Variants in MACROD2 observed in about 807,000 individuals in gnomAD.
The protein encoded by MACROD2 is mono-ADP ribosylhydrolase 2.
Under a neutral mutation model 70.4 loss-of-function variants are expected in MACROD2, and 36 were observed. The ratio of observed to expected loss-of-function variants is 0.51; its 90% confidence interval spans 0.39 to 0.68. The LOEUF is 0.68. Among genes scored for constraint, MACROD2 ranks in the 30% least tolerant of loss-of-function variants. MACROD2 has a pLI of 0.00. For missense variants in MACROD2, 496 were observed against 538.4 expected (o/e 0.92, Z 0.78); for synonymous variants, 172 against 178.8 (o/e 0.96, Z 0.30).
intron 5 of MACROD2, among the ~76,000 whole-genome samples, chr20:15,144,731 A>T (rs1430328380): frequency 1.3e-5 from 2 of 152,190 alleles, no homozygotes. Flanking sequence ...TGTTATGTCC[A>T]GCGGGGAAAC....
intron 3 of MACROD2, among the ~76,000 whole-genome samples, chr20:14,396,343 A>G (rs568786300): frequency 3.9e-5 from 6 of 152,212 alleles, no homozygotes; most frequent in Admixed American, 3.9e-4. Context: ...GGATTTGTGT[A>G]TTTATTCTTG....
At chr20:14,352,580 C>G (rs1370718492) in intron 3 of MACROD2, among the ~76,000 whole-genome samples, 1 of 152,056 alleles carries the variant, frequency 6.6e-6, no homozygotes, top group Admixed American at 6.6e-5. Flanking sequence ...GATATATGCA[C>G]CCTTCTAACC....
intron 5 of MACROD2, among the ~76,000 whole-genome samples, chr20:15,077,987 A>C (rs1034088027): frequency 6.6e-5 from 10 of 152,100 alleles, no homozygotes; most frequent in African/African-American, 1.9e-4. Context: ...GGAAAGGGCC[A>C]CTGGAAAAGG....
At chr20:15,813,582 A>C (rs2063842227) in intron 8 of MACROD2, among the ~76,000 whole-genome samples, 1 of 152,170 alleles carries the variant, frequency 6.6e-6, no homozygotes, top group Non-Finnish European at 1.5e-5. Context: ...GTTCAAGACC[A>C]GCATGGGAAA....
intron 5 of MACROD2, among the ~76,000 whole-genome samples, chr20:15,115,925 C>T (rs2123233781): frequency 6.6e-6 from 1 of 152,158 alleles, no homozygotes; most frequent in East Asian, 1.9e-4. Flanking sequence ...TGTGTAAAGA[C>T]TTCTATTTCC....
chr20:15,578,967 G>A (rs6043375), intron 8 of MACROD2, among the ~76,000 whole-genome samples: 10,403 of 152,162 alleles, frequency 0.068, 1,200 homozygotes, highest in African/African-American at 0.24. Context: ...AATTTGAACC[G>A]TTTTTTAAAA....
intron 5 of MACROD2, among the ~76,000 whole-genome samples, chr20:15,145,351 A>T (rs1484675693): frequency 6.6e-6 from 1 of 152,144 alleles, no homozygotes; most frequent in African/African-American, 2.4e-5. Context: ...GAGTAGAGAA[A>T]AAATGAATTA....
chr20:15,003,242 CA>C (rs1446493268), intron 5 of MACROD2, among the ~76,000 whole-genome samples: 5 of 152,116 alleles, frequency 3.3e-5, no homozygotes, highest in African/African-American at 1.2e-4. Flanking sequence ...CCAATGTAGT[CA>C]GGGGAAATAA....
chr20:14,903,327 C>G (rs1423092744), intron 5 of MACROD2, among the ~76,000 whole-genome samples: 1 of 152,052 alleles, frequency 6.6e-6, no homozygotes, highest in African/African-American at 2.4e-5. Context: ...AGGCGTGAGC[C>G]ACTGCACCCG....
At chr20:15,367,563 C>CTCT (rs2045428919) in intron 6 of MACROD2, among the ~76,000 whole-genome samples, 1 of 152,134 alleles carries the variant, frequency 6.6e-6, no homozygotes, top group Admixed American at 6.5e-5. Context: ...CTGATGTACT[C>CTCT]TTCAAAGATT....
rs2066492844 is a variant in MACROD2 at position 15,986,945 on chromosome 20, G to A, written c.1061-121G>A. The A allele has an allele frequency of 3.8e-6, 4 of 1,054,282 alleles. No homozygotes were observed. The South Asian group carries it at 4.4e-5, about 12-fold the overall frequency. The allele number at this position is 1,054,282 out of a possible 1,614,324, so 65.3% of individuals were successfully genotyped here. A position where few individuals can be genotyped will look rare whatever the true frequency, so the allele number is the denominator to read the frequency against. ...GGATAGCAATAGTGTTCAACTTGGT[G>A]TACCTATTGAAACTTGAAGGGGGAA... On this transcript the variant is annotated intron_variant, in intron 14 of 17. Coordinates refer to ENST00000684519, the MANE Select transcript of MACROD2 (RefSeq NM_001351661.2).
intron 4 of MACROD2, among the ~76,000 whole-genome samples, chr20:14,588,361 A>T (rs969386753): frequency 6.6e-6 from 1 of 152,220 alleles, no homozygotes; most frequent in Admixed American, 6.5e-5. Context: ...TTCTAATGAC[A>T]TCTGGTTAAG....
chr20:14,679,512 T>C (rs916010453), intron 4 of MACROD2, among the ~76,000 whole-genome samples: 1 of 152,194 alleles, frequency 6.6e-6, no homozygotes, highest in African/African-American at 2.4e-5. Flanking sequence ...TGTTTTACAA[T>C]GTAAGATATG....
intron 10 of MACROD2, among the ~76,000 whole-genome samples, chr20:15,918,375 G>T (rs116067147): frequency 6.6e-6 from 1 of 152,112 alleles, no homozygotes; most frequent in Admixed American, 6.5e-5. Context: ...TAGTATATGC[G>T]TATATTTAAG....
intron 5 of MACROD2, among the ~76,000 whole-genome samples, chr20:15,020,818 A>T (rs924202678): frequency 1.3e-5 from 2 of 151,962 alleles, no homozygotes; most frequent in African/African-American, 4.8e-5. Context: ...TAATCTTATA[A>T]GACACCATTG....
chr20:14,798,409 A>AGCT (rs2072536185), intron 5 of MACROD2, among the ~76,000 whole-genome samples: 1 of 152,056 alleles, frequency 6.6e-6, no homozygotes, highest in Non-Finnish European at 1.5e-5. Context: ...TGGTTTGGGA[A>AGCT]GATCATTGCT....
intron 2 of MACROD2, among the ~76,000 whole-genome samples, chr20:14,076,687 C>A (rs1350905919): frequency 6.6e-6 from 1 of 151,724 alleles, no homozygotes; most frequent in Non-Finnish European, 1.5e-5. Context: ...CCCTCACCTT[C>A]CACCCCCCAA....
intron 10 of MACROD2, among the ~76,000 whole-genome samples, chr20:15,918,000 T>G (rs979612660): frequency 2.0e-5 from 3 of 151,968 alleles, no homozygotes; most frequent in Admixed American, 1.3e-4. Context: ...AGGTCCTACA[T>G]GAAAACTGTG....
chr20:15,938,274 T>G (rs1314311275), intron 12 of MACROD2, among the ~76,000 whole-genome samples: 2 of 152,178 alleles, frequency 1.3e-5, no homozygotes, highest in Non-Finnish European at 2.9e-5. Context: ...TTCTTGCCCT[T>G]CATTTTACTG....
Sources: allele counts gnomAD v4.1 joint callset (sites outside exome capture counted in the v4.1 genomes callset), GRCh38; gene constraint gnomAD v4.1.1; transcripts MANE v1.5; gene names NCBI Gene and HGNC (gene_info 2026-07-23, HGNC 2026-07-21).